Variants in PVT1 observed in about 807,000 individuals in gnomAD.
PVT1 encodes Pvt1 oncogene.
At chr8:127,926,515 AG>A (rs977573850) in intron 3 of PVT1, among the ~76,000 whole-genome samples, 3 of 152,130 alleles carry the variant, frequency 2.0e-5, no homozygotes, top group Non-Finnish European at 4.4e-5. Flanking sequence ...AGGGGTGCAA[AG>A]GGCTGCTCCT....
chr8:128,025,785 CT>C (rs1310386560), intron 4 of PVT1, among the ~76,000 whole-genome samples: 3 of 152,144 alleles, frequency 2.0e-5, no homozygotes, highest in African/African-American at 7.2e-5. Flanking sequence ...CATTAGCTCA[CT>C]TAAGGTCTCC....
At chr8:127,854,987 G>A (rs1394346902) in intron 2 of PVT1, among the ~76,000 whole-genome samples, 1 of 152,182 alleles carries the variant, frequency 6.6e-6, no homozygotes, top group Non-Finnish European at 1.5e-5. Context: ...GGTGTAGTAG[G>A]AGAAGATACT....
chr8:128,034,444 G>A (rs1225596829), intron 4 of PVT1, among the ~76,000 whole-genome samples: 5 of 152,178 alleles, frequency 3.3e-5, no homozygotes, highest in African/African-American at 7.2e-5. Context: ...CACTTCCAGG[G>A]CTTCGCTCTG....
chr8:128,056,696 G>A (rs1813766710), intron 4 of PVT1, among the ~76,000 whole-genome samples: 1 of 152,186 alleles, frequency 6.6e-6, no homozygotes, highest in Non-Finnish European at 1.5e-5. Flanking sequence ...AAGTATATCA[G>A]TGGGTCTTGG....
At chr8:127,960,263 A>G (rs867462579) in intron 3 of PVT1, among the ~76,000 whole-genome samples, 2 of 152,004 alleles carry the variant, frequency 1.3e-5, no homozygotes, top group African/African-American at 4.8e-5. Flanking sequence ...CCTCTGATGA[A>G]TGGGTTGATT....
chr8:127,855,531 G>A lies in PVT1; in HGVS notation n.373-35058G>A, dbSNP rs140963272. On this transcript the variant is annotated intron_variant and non_coding_transcript_variant, in intron 2 of 10. Transcript: ENST00000651587. ...TGGCCCTGGCAGACACTGGACTAGA[G>A]CAGTGTTTCTAAAGTGTAGCCCCTT... Among the ~76,000 whole-genome samples, 793 of 152,312 alleles carry A rather than the reference G, an allele frequency of 5.2e-3. 5 individuals carry two copies. The highest frequency in any genetic ancestry group is 0.018 in the African/African-American group (760 of 41,548).
chr8:127,916,289 G>T (rs893592422), intron 3 of PVT1, among the ~76,000 whole-genome samples: 1 of 152,218 alleles, frequency 6.6e-6, no homozygotes, highest in Non-Finnish European at 1.5e-5. Flanking sequence ...GATGGTTATT[G>T]TTAGATGTTC....
At chr8:127,853,237 A>G (rs1285231351) in intron 2 of PVT1, among the ~76,000 whole-genome samples, 1 of 152,050 alleles carries the variant, frequency 6.6e-6, no homozygotes, top group African/African-American at 2.4e-5. Context: ...GACTCCTGCA[A>G]CTCTAGGAAG....
At chr8:127,851,773 A>G (rs1405768924) in intron 2 of PVT1, among the ~76,000 whole-genome samples, 1 of 152,122 alleles carries the variant, frequency 6.6e-6, no homozygotes, top group Admixed American at 6.5e-5. Flanking sequence ...GACTCTAGCC[A>G]TGGTTTCTCC....
At position 127,812,268 on chromosome 8, in the gene PVT1, A is replaced by AAGGAAGGAAGGAAGGAAGGCAGGAAGGC. The variant is rs1814606227; in HGVS notation, n.372+16216_372+16217insCAGGAAGGCAGGAAGGAAGGAAGGAAGG. 2.0e-3 allele frequency among the ~76,000 whole-genome samples: 262 copies of AAGGAAGGAAGGAAGGAAGGCAGGAAGGC among 131,296 alleles called. 5 individuals carry two copies. The highest frequency in any genetic ancestry group is 8.4e-3 in the African/African-American group (253 of 30,064). The allele number at this position is 131,296 out of a possible 152,430, so 86.1% of individuals were successfully genotyped here. ...GAAGGCAGGAAGGCAGGAAGGCAGG[A>AAGGAAGGAAGGAAGGAAGGCAGGAAGGC]AGGAAGGAAGGAAGGAAGGAAGAGA... is the stretch of plus-strand genomic sequence containing the variant. On this transcript the variant is annotated intron_variant and non_coding_transcript_variant, in intron 2 of 10. Coordinates refer to ENST00000651587, the Ensembl canonical transcript of PVT1.
intron 3 of PVT1, chr8:127,960,537 G>T: frequency 5.8e-6 from 2 of 346,650 alleles, no homozygotes. Flanking sequence ...TTGAAGTTCA[G>T]TTGGTGGGAG....
intron 5 of PVT1, among the ~76,000 whole-genome samples, chr8:128,081,094 G>T (rs541947834): frequency 6.6e-6 from 1 of 152,186 alleles, no homozygotes; most frequent in African/African-American, 2.4e-5. Flanking sequence ...CCAATACCAC[G>T]CCATCTTGAT....
intron 4 of PVT1, among the ~76,000 whole-genome samples, chr8:128,064,345 C>T (rs1191536866): frequency 2.0e-5 from 3 of 152,204 alleles, no homozygotes; most frequent in Non-Finnish European, 4.4e-5. Context: ...CTCACGTGGG[C>T]AGAAGCACAT....
intron 4 of PVT1, among the ~76,000 whole-genome samples, chr8:128,006,780 A>G (rs1357822117): frequency 6.6e-6 from 1 of 152,224 alleles, no homozygotes; most frequent in African/African-American, 2.4e-5. Flanking sequence ...TATATTGGTT[A>G]TAACCCATGA....
chr8:127,950,618 C>T (rs1049579469), intron 3 of PVT1, among the ~76,000 whole-genome samples: 1 of 152,200 alleles, frequency 6.6e-6, no homozygotes, highest in South Asian at 2.1e-4. Flanking sequence ...TGGGAAGAGA[C>T]AGCTGGCAGT....
intron 5 of PVT1, among the ~76,000 whole-genome samples, chr8:128,074,324 G>A (rs1224256553): frequency 6.6e-6 from 1 of 151,716 alleles, no homozygotes; most frequent in Non-Finnish European, 1.5e-5. Flanking sequence ...GGCCAATATG[G>A]TGATACCCTA....
At chr8:128,012,557 T>C (rs1003813995) in intron 4 of PVT1, among the ~76,000 whole-genome samples, 3 of 152,242 alleles carry the variant, frequency 2.0e-5, no homozygotes, top group African/African-American at 7.2e-5. Context: ...CAAATGAATG[T>C]GAGCCAACGT....
At position 127,886,714 on chromosome 8, in the gene PVT1, T is replaced by C. The variant is rs143198962; in HGVS notation, n.373-3875T>C. 4.6e-3 allele frequency among the ~76,000 whole-genome samples: 705 copies of C among 152,320 alleles called. 3 individuals are homozygous for C. Among genetic ancestry groups the C allele is most frequent in the African/African-American group, 0.016 (677 of 41,584 alleles). On this transcript the variant is annotated intron_variant and non_coding_transcript_variant, in intron 2 of 10. Transcript: ENST00000651587. The stretch of plus-strand genomic sequence containing the variant: ...CTAAGAATACATTTTCCTTTGAGTC[T>C]TTGAGCATAGTTATAATAGCTGCTT...
At chr8:128,022,652 T>C (rs1817451748) in intron 4 of PVT1, among the ~76,000 whole-genome samples, 1 of 152,196 alleles carries the variant, frequency 6.6e-6, no homozygotes, top group Admixed American at 6.5e-5. Context: ...CTTGGTACAG[T>C]TGAAATAGCC....
Sources: gnomAD v4.1 joint callset for allele counts (sites outside exome capture counted in the v4.1 genomes callset) on GRCh38, gnomAD v4.1.1 for gene constraint, MANE v1.5 for transcripts, NCBI Gene and HGNC (gene_info 2026-07-23, HGNC 2026-07-21) for gene names.